Variants in GRIP1 observed in about 807,000 individuals in gnomAD.
GRIP1 encodes the protein glutamate receptor-interacting protein 1.
Under a neutral mutation model 129.9 loss-of-function variants are expected in GRIP1, and 45 were observed. That is an observed-to-expected ratio of 0.35 (90% CI 0.27 to 0.44). The LOEUF (loss-of-function observed/expected upper bound fraction) is 0.44. Ranked by LOEUF, GRIP1 falls within the 20% of genes least tolerant of loss-of-function variation. GRIP1 has a pLI of 1.00. For synonymous variants in GRIP1, 530 were observed against 520.8 expected, an observed-to-expected ratio of 1.02 and a Z score of -0.24; for missense variants, 1,196 against 1,396.8, an observed-to-expected ratio of 0.86 and a Z score of 2.29.
chr12:66,755,664 G>A (rs1054091301), intron 1 of GRIP1, among the ~76,000 whole-genome samples: 3 of 152,270 alleles, frequency 2.0e-5, no homozygotes, highest in East Asian at 1.9e-4. Context: ...GGACCTCTCC[G>A]TTACCCAGCT....
At chr12:66,951,538 T>C (rs1391291696) in intron 1 of GRIP1, among the ~76,000 whole-genome samples, 1 of 152,178 alleles carries the variant, frequency 6.6e-6, no homozygotes, top group Non-Finnish European at 1.5e-5. Flanking sequence ...GTGGCCTTGT[T>C]AAGGATTTTT....
chr12:66,905,674 C>T (rs1009181769), intron 1 of GRIP1, among the ~76,000 whole-genome samples: 21 of 152,138 alleles, frequency 1.4e-4, no homozygotes, highest in African/African-American at 4.3e-4. Flanking sequence ...CTTGAATTTT[C>T]AGCTGATTAG....
chr12:66,489,985 TAAAC>T (rs979786150), intron 7 of GRIP1, among the ~76,000 whole-genome samples: 2 of 151,878 alleles, frequency 1.3e-5, no homozygotes, highest in African/African-American at 4.8e-5. Flanking sequence ...AGAGAGGACA[TAAAC>T]AAATGAAAAA....
intron 7 of GRIP1, among the ~76,000 whole-genome samples, chr12:66,510,379 C>T (rs2060662360): frequency 6.6e-6 from 1 of 152,140 alleles, no homozygotes; most frequent in Non-Finnish European, 1.5e-5. Context: ...TCTAAGCTTT[C>T]TCCCCTACGT....
At chr12:66,719,989 T>A (rs2036011040) in intron 1 of GRIP1, among the ~76,000 whole-genome samples, 1 of 152,198 alleles carries the variant, frequency 6.6e-6, no homozygotes, top group Non-Finnish European at 1.5e-5. Context: ...AAGTTAAAAT[T>A]ATTTTGCCTA....
intron 1 of GRIP1, among the ~76,000 whole-genome samples, chr12:66,706,519 T>G (rs1212131870): frequency 6.6e-6 from 1 of 152,126 alleles, no homozygotes; most frequent in Non-Finnish European, 1.5e-5. Flanking sequence ...TTACTGGGTA[T>G]ATACCCAAAG....
At chr12:66,437,422 C>T (rs955755363) in intron 13 of GRIP1, among the ~76,000 whole-genome samples, 1 of 152,162 alleles carries the variant, frequency 6.6e-6, no homozygotes, top group African/African-American at 2.4e-5. Context: ...GAAGGAACAA[C>T]AAGATGGGAA....
rs537777585 is a variant in GRIP1, at chr12:66,528,296, G to A, written c.502+1535C>T. ...ACTACAGGCGCCTGCCACCACGCCCGGCTAATGTTTTTGTATTTTTTCAGT... is the reference window on the plus strand; with the variant it reads ...ACTACAGGCGCCTGCCACCACGCCCAGCTAATGTTTTTGTATTTTTTCAGT... On this transcript the variant is annotated intron_variant, in intron 5 of 24. Coordinates refer to ENST00000359742, the MANE Select transcript of GRIP1 (RefSeq NM_001366722.1). Among the ~76,000 whole-genome samples the A allele has an allele frequency of 7.2e-5, 11 of 151,798 alleles. No individual in the cohort carries two copies. In the South Asian group the frequency reaches 8.3e-4, roughly 11 times the overall value.
chr12:66,588,488 G>T (rs2063725880), intron 2 of GRIP1, among the ~76,000 whole-genome samples: 1 of 152,138 alleles, frequency 6.6e-6, no homozygotes, highest in South Asian at 2.1e-4. Flanking sequence ...TGATACTTCT[G>T]AGCAGAGGCT....
chr12:66,722,028 C>A (rs1345200438), intron 1 of GRIP1, among the ~76,000 whole-genome samples: 1 of 152,190 alleles, frequency 6.6e-6, no homozygotes, highest in Admixed American at 6.5e-5. Flanking sequence ...TTGTTCTCTC[C>A]AAACCATTAA....
chr12:66,485,880 AATAT>A (rs1267876430), intron 7 of GRIP1, among the ~76,000 whole-genome samples: 2 of 152,060 alleles, frequency 1.3e-5, no homozygotes, highest in Admixed American at 6.6e-5. Context: ...CAGACAGATT[AATAT>A]ATATATTCAT....
intron 1 of GRIP1, among the ~76,000 whole-genome samples, chr12:67,030,434 A>T (rs1402240651): frequency 1.3e-5 from 2 of 152,122 alleles, no homozygotes; most frequent in Non-Finnish European, 2.9e-5. Flanking sequence ...ACATAACTCA[A>T]GCAATGAGGT....
intron 1 of GRIP1, among the ~76,000 whole-genome samples, chr12:66,618,156 C>G (rs2065122553): frequency 6.6e-6 from 1 of 152,120 alleles, no homozygotes; most frequent in African/African-American, 2.4e-5. Context: ...AAAGAATTGG[C>G]TAAATAGAGT....
chr12:66,520,442 G>C (rs1383913729), intron 5 of GRIP1, among the ~76,000 whole-genome samples: 1 of 152,098 alleles, frequency 6.6e-6, no homozygotes, highest in African/African-American at 2.4e-5. Flanking sequence ...GAGTTATTAA[G>C]GCCTATAAAA....
At chr12:66,407,610 G>A (rs1565708158) in intron 15 of GRIP1, among the ~76,000 whole-genome samples, 1 of 152,266 alleles carries the variant, frequency 6.6e-6, no homozygotes, top group African/African-American at 2.4e-5. Context: ...AAGCAACACT[G>A]GGCAGAAGTC....
At chr12:66,349,306 G>A in intron 24 of GRIP1, 60 bp from the exon 25 acceptor site, 5 of 1,365,780 alleles carry the variant, frequency 3.7e-6, no homozygotes, top group South Asian at 2.3e-5. Flanking sequence ...CCAAAACCCG[G>A]AGTAACATTT....
intron 1 of GRIP1, among the ~76,000 whole-genome samples, chr12:66,740,927 C>T (rs2036769478): frequency 6.6e-6 from 1 of 152,116 alleles, no homozygotes; most frequent in Non-Finnish European, 1.5e-5. Flanking sequence ...TAGCCAGATG[C>T]ATATGTGATA....
At chr12:66,978,158 C>G (rs1003596047) in intron 1 of GRIP1, among the ~76,000 whole-genome samples, 1 of 151,742 alleles carries the variant, frequency 6.6e-6, no homozygotes, top group Non-Finnish European at 1.5e-5. Flanking sequence ...ACATTTTAGA[C>G]TTTAAATCCA....
At chr12:66,779,253 C>T (rs1010896780) in intron 1 of GRIP1, among the ~76,000 whole-genome samples, 10 of 152,110 alleles carry the variant, frequency 6.6e-5, no homozygotes, top group African/African-American at 2.4e-4. Context: ...AACCACAAGA[C>T]ATCAAACAGA....
Sources: allele counts gnomAD v4.1 joint callset (sites outside exome capture counted in the v4.1 genomes callset), GRCh38; gene constraint gnomAD v4.1.1; transcripts MANE v1.5; gene names NCBI Gene and HGNC (gene_info 2026-07-23, HGNC 2026-07-21).